The following RBMS1 variants were observed in gnomAD, a reference collection of about 807,000 sequenced individuals.
RBMS1 encodes RNA-binding motif, single-stranded-interacting protein 1.
In RBMS1, 17 loss-of-function variants were observed where a neutral mutation model predicts 62.3. The observed-to-expected ratio is 0.27, with a 90% CI of 0.19 to 0.41. The LOEUF is 0.41. Among genes scored for constraint, RBMS1 ranks in the 10% least tolerant of loss-of-function variants. The pLI is 1.00. For synonymous variants in RBMS1, 172 were observed against 170.0 expected, an observed-to-expected ratio of 1.01 and a Z score of -0.09; for missense variants, 334 against 504.5, an observed-to-expected ratio of 0.66 and a Z score of 3.24.
intron 1 of RBMS1, among the ~76,000 whole-genome samples, chr2:160,425,354 T>G (rs1265908719): frequency 1.3e-5 from 2 of 152,238 alleles, no homozygotes; most frequent in African/African-American, 4.8e-5. Context: ...ATTTATATTT[T>G]CTTAGCTCCC....
intron 2 of RBMS1, among the ~76,000 whole-genome samples, chr2:160,357,019 A>C (rs1330468875): frequency 6.6e-6 from 1 of 152,276 alleles, no homozygotes; most frequent in East Asian, 1.9e-4. Context: ...ACAGTAACTC[A>C]ATAAGGAAAT....
chr2:160,408,005 C>G (rs1574020278), intron 1 of RBMS1: 1 of 811,628 alleles, frequency 1.2e-6, no homozygotes, highest in Non-Finnish European at 1.5e-6. Flanking sequence ...GCGGCGCCTG[C>G]CGCCCCATCG....
At chr2:160,464,155 T>C (rs1162895799) in intron 1 of RBMS1, among the ~76,000 whole-genome samples, 1 of 151,988 alleles carries the variant, frequency 6.6e-6, no homozygotes, top group Non-Finnish European at 1.5e-5. Context: ...TGCAGACACA[T>C]GTCTCAGAGA....
chr2:160,413,944 G>A (rs1696120637), intron 1 of RBMS1, among the ~76,000 whole-genome samples: 1 of 152,056 alleles, frequency 6.6e-6, no homozygotes, highest in African/African-American at 2.4e-5. Flanking sequence ...TATTAATAAT[G>A]GTTATTACTA....
Position 160,455,705 on chromosome 2 carries a change from A to G in RBMS1, c.75+37584T>C, listed in dbSNP as rs1684192988. On this transcript the variant is annotated intron_variant, in intron 1 of 13. Coordinates refer to ENST00000348849, the MANE Select transcript of RBMS1 (RefSeq NM_016836.4). ...AAGCTTTTTTTTTTTTTTTTTTGAG[A>G]CGGAGTCTCGCTCTGTCGCCCAGGC... 2.3e-5 allele frequency among the ~76,000 whole-genome samples: 3 copies of G among 129,652 alleles called. No individual in the cohort carries two copies. In the South Asian group the frequency reaches 7.3e-4, roughly 32 times the overall value. The allele number at this position is 129,652 out of a possible 152,430, so 85.1% of individuals were successfully genotyped here. A position where few individuals can be genotyped will look rare whatever the true frequency, so the allele number is the denominator to read the frequency against.
chr2:160,280,671 A>G (rs567203384), intron 10 of RBMS1, among the ~76,000 whole-genome samples: 1 of 152,328 alleles, frequency 6.6e-6, no homozygotes, highest in East Asian at 1.9e-4. Flanking sequence ...ATGCAGGGTC[A>G]TTGTGTTGGA....
At position 160,285,088 on chromosome 2, in the gene RBMS1, A is replaced by G. The variant is rs1688305952; in HGVS notation, c.757-44T>C. The G allele has an allele frequency of 5.7e-6, 9 of 1,576,782 alleles. No individual in the cohort carries two copies. In the East Asian group the frequency reaches 1.3e-4, roughly 24 times the overall value. On this transcript the variant is annotated intron_variant, in intron 7 of 13. Transcript: ENST00000348849. ...AATATAAACATTCATCTAGAAAGGC[A>G]TGATTTAAAAATTCTATTTTTAGCC...
chr2:160,327,775 C>A (rs572286428), intron 2 of RBMS1, among the ~76,000 whole-genome samples: 1 of 152,208 alleles, frequency 6.6e-6, no homozygotes, highest in South Asian at 2.1e-4. Flanking sequence ...CAGAATTTTG[C>A]AAGTAAAATG....
In RBMS1 at chr2:160,311,242, A is replaced by ATATCTATATATC. The variant is rs1469764112; in HGVS notation, c.402+1913_402+1914insGATATATAGATA. Among the ~76,000 whole-genome samples, 150 of 123,648 alleles carry ATATCTATATATC rather than the reference A, an allele frequency of 1.2e-3. 7 individuals carry two copies. The highest frequency in any genetic ancestry group is 2.0e-3 in the Non-Finnish European group (110 of 55,778). The allele number at this position is 123,648 out of a possible 152,430, so 81.1% of individuals were successfully genotyped here. On this transcript the variant is annotated intron_variant, in intron 4 of 13. Transcript: ENST00000348849. ...TATCTATCTATCTATCTATATATAT[A>ATATCTATATATC]TATATATATATATATAGTCTGTTTA...
intron 1 of RBMS1, among the ~76,000 whole-genome samples, chr2:160,424,365 T>TG (rs58071256): frequency 0.13 from 18,304 of 137,604 alleles, 1,568 homozygotes; most frequent in African/African-American, 0.19. Context: ...GGTGAGAGAT[T>TG]GGGGGGGGGG....
intron 1 of RBMS1, among the ~76,000 whole-genome samples, chr2:160,425,455 G>A (rs1173481858): frequency 6.6e-6 from 1 of 152,138 alleles, no homozygotes; most frequent in Non-Finnish European, 1.5e-5. Flanking sequence ...AGTGTTTACA[G>A]GGAGTCTAAA....
At chr2:160,287,668 G>A (rs1688471290) in intron 6 of RBMS1, among the ~76,000 whole-genome samples, 1 of 152,184 alleles carries the variant, frequency 6.6e-6, no homozygotes, top group South Asian at 2.1e-4. Flanking sequence ...GTCTATCACT[G>A]TATCCCCAGT....
Position 160,429,804 on chromosome 2 carries a change from G to C in RBMS1, c.76-62413C>G, listed in dbSNP as rs529854318. On this transcript the variant is annotated intron_variant, in intron 1 of 13. Transcript: ENST00000348849. Reference sequence around the variant, plus strand: ...ACCTGCCCACAATCCCTCCCACTCTGCATGTGCTTTCCCAATGTGATTCTC... The same window carrying C: ...ACCTGCCCACAATCCCTCCCACTCTCCATGTGCTTTCCCAATGTGATTCTC... 2.0e-5 allele frequency among the ~76,000 whole-genome samples: 3 copies of C among 152,274 alleles called. No individual in the cohort carries two copies. In the East Asian group the frequency reaches 5.8e-4, roughly 29 times the overall value.
At chr2:160,439,400 C>A (rs1406323762) in intron 1 of RBMS1, among the ~76,000 whole-genome samples, 1 of 150,838 alleles carries the variant, frequency 6.6e-6, no homozygotes, top group African/African-American at 2.4e-5. Context: ...GCAGAGACGC[C>A]CCTCACATCC....
chr2:160,434,479 G>A (rs960565045), intron 1 of RBMS1, among the ~76,000 whole-genome samples: 4 of 151,580 alleles, frequency 2.6e-5, no homozygotes, highest in Non-Finnish European at 4.4e-5. Context: ...AGCCTTTGAG[G>A]GAGACAGAAA....
chr2:160,286,142 T>G (rs146143362), intron 7 of RBMS1, among the ~76,000 whole-genome samples: 7 of 151,342 alleles, frequency 4.6e-5, no homozygotes, highest in African/African-American at 1.7e-4. Flanking sequence ...AAATAAAAAT[T>G]TTTAAAAATT....
chr2:160,388,951 G>C (rs912387058), intron 1 of RBMS1, among the ~76,000 whole-genome samples: 1 of 152,250 alleles, frequency 6.6e-6, no homozygotes, highest in African/African-American at 2.4e-5. Context: ...TTCAGGCATA[G>C]AGTAATTTCC....
At chr2:160,457,124 TTAA>T (rs1684271603) in intron 1 of RBMS1, among the ~76,000 whole-genome samples, 1 of 108,504 alleles carries the variant, frequency 9.2e-6, no homozygotes. Flanking sequence ...ATTTATTTAA[TTAA>T]TTTATTTATT....
At chr2:160,278,453 TATC>T (rs1271964186) in intron 11 of RBMS1, 92 bp downstream of exon 11, 2 of 990,546 alleles carry the variant, frequency 2.0e-6, no homozygotes, top group Non-Finnish European at 1.6e-6. Flanking sequence ...CATAATCTGT[TATC>T]ATAGAGGCTG....
Sources: allele counts gnomAD v4.1 joint callset (sites outside exome capture counted in the v4.1 genomes callset), GRCh38; gene constraint gnomAD v4.1.1; transcripts MANE v1.5; gene names NCBI Gene and HGNC (gene_info 2026-07-23, HGNC 2026-07-21).